Variants in MAP7 observed in about 807,000 individuals in gnomAD.
The protein encoded by MAP7 is microtubule associated protein 7.
MAP7 carries 52 observed loss-of-function variants against 94.8 expected under a neutral mutation model. That is an observed-to-expected ratio of 0.55 (90% CI 0.44 to 0.69). MAP7 has a LOEUF of 0.69. MAP7 is among the 30% of genes least tolerant of loss of function. The pLI is 0.00. For synonymous variants in MAP7, 350 were observed against 357.0 expected (o/e 0.98, Z 0.22); for missense variants, 940 against 964.6 (o/e 0.97, Z 0.34).
intron 3 of MAP7, among the ~76,000 whole-genome samples, chr6:136,410,716 A>G (rs1053947572): frequency 6.6e-6 from 1 of 152,248 alleles, no homozygotes; most frequent in Non-Finnish European, 1.5e-5. Context: ...AGCTTCCACT[A>G]CATTTCACAA....
intron 1 of MAP7, among the ~76,000 whole-genome samples, chr6:136,433,498 C>T (rs1285134122): frequency 6.6e-6 from 1 of 152,190 alleles, no homozygotes; most frequent in Non-Finnish European, 1.5e-5. Flanking sequence ...CAGCCACTTC[C>T]AAGGAAATAA....
chr6:136,527,103 G>A lies in MAP7; in HGVS notation c.67+23239C>T, dbSNP rs954662192. ...ACACCCCCCACCCTCAATCCCTACC[G>A]CTCTGGGCAGTTGCTACCAGCGGTG... On this transcript the variant is annotated intron_variant, in intron 1 of 17. Transcript: ENST00000354570. 7.2e-5 allele frequency among the ~76,000 whole-genome samples: 11 copies of A among 152,142 alleles called. No homozygotes were observed. The East Asian group carries it at 9.7e-4, about 13-fold the overall frequency.
chr6:136,405,468 G>A (rs1785311795), intron 3 of MAP7, among the ~76,000 whole-genome samples: 1 of 152,212 alleles, frequency 6.6e-6, no homozygotes, highest in Admixed American at 6.5e-5. Context: ...AACACTCTAG[G>A]TGGAGTGCAT....
chr6:136,384,025 G>T (rs1184873818), intron 5 of MAP7, among the ~76,000 whole-genome samples: 1 of 152,172 alleles, frequency 6.6e-6, no homozygotes, highest in East Asian at 1.9e-4. Context: ...GAAATTCAAG[G>T]ATACAAGTGG....
At chr6:136,354,405 G>T (rs1396537489) in intron 16 of MAP7, among the ~76,000 whole-genome samples, 1 of 140,140 alleles carries the variant, frequency 7.1e-6, no homozygotes, top group Non-Finnish European at 1.5e-5. Context: ...TATATATATA[G>T]TAGATATATA....
At chr6:136,417,641 GA>G (rs944403291) in intron 2 of MAP7, among the ~76,000 whole-genome samples, 4 of 152,018 alleles carry the variant, frequency 2.6e-5, no homozygotes, top group African/African-American at 9.7e-5. Flanking sequence ...TTTTTCAAAT[GA>G]AAAAACTCAG....
chr6:136,375,806 A>G (rs1775944880), intron 7 of MAP7, among the ~76,000 whole-genome samples: 2 of 152,202 alleles, frequency 1.3e-5, no homozygotes, highest in Non-Finnish European at 2.9e-5. Context: ...TGTGAAAAGG[A>G]GAATGGAAAT....
At chr6:136,544,544 C>T (rs1829574457) in intron 1 of MAP7, among the ~76,000 whole-genome samples, 1 of 152,178 alleles carries the variant, frequency 6.6e-6, no homozygotes, top group Non-Finnish European at 1.5e-5. Flanking sequence ...GCTTTTCCAT[C>T]TGTCTGCTTT....
At chr6:136,468,847 C>A (rs1352511752) in intron 1 of MAP7, among the ~76,000 whole-genome samples, 1 of 152,146 alleles carries the variant, frequency 6.6e-6, no homozygotes, top group Non-Finnish European at 1.5e-5. Context: ...CTTCTCACTT[C>A]CGAGCAACAA....
intron 1 of MAP7, among the ~76,000 whole-genome samples, chr6:136,434,815 T>C (rs1795939323): frequency 6.6e-6 from 1 of 152,192 alleles, no homozygotes; most frequent in Non-Finnish European, 1.5e-5. Flanking sequence ...GTGTGCTATG[T>C]GGCAGGCGCC....
intron 1 of MAP7, among the ~76,000 whole-genome samples, chr6:136,534,993 G>A (rs1224862310): frequency 1.3e-5 from 2 of 152,134 alleles, no homozygotes; most frequent in Admixed American, 6.5e-5. Context: ...AGCGTATGAA[G>A]GTTTGAGGCA....
At chr6:136,456,910 G>C (rs1803437798) in intron 1 of MAP7, among the ~76,000 whole-genome samples, 1 of 150,164 alleles carries the variant, frequency 6.7e-6, no homozygotes, top group Admixed American at 6.6e-5. Flanking sequence ...TACCACCAAA[G>C]AGCAAGAAAA....
chr6:136,465,948 A>T (rs1426164751), intron 1 of MAP7, among the ~76,000 whole-genome samples: 5 of 152,208 alleles, frequency 3.3e-5, no homozygotes, highest in African/African-American at 4.8e-5. Context: ...AATTTAGTGA[A>T]TAAGGCAGCT....
At chr6:136,490,366 C>A (rs576288926) in intron 1 of MAP7, among the ~76,000 whole-genome samples, 4 of 152,144 alleles carry the variant, frequency 2.6e-5, no homozygotes, top group Non-Finnish European at 5.9e-5. Context: ...ATATGCCAAA[C>A]GATGTCATTA....
chr6:136,472,611 G>A (rs371632159), intron 1 of MAP7, among the ~76,000 whole-genome samples: 9 of 152,222 alleles, frequency 5.9e-5, no homozygotes, highest in African/African-American at 2.2e-4. Context: ...ACTCTCCTCA[G>A]TGAGTAGCAG....
intron 1 of MAP7, among the ~76,000 whole-genome samples, chr6:136,542,608 A>G (rs1028392697): frequency 6.6e-6 from 1 of 152,200 alleles, no homozygotes; most frequent in African/African-American, 2.4e-5. Context: ...TTGAATTGGC[A>G]GGGAATGTGC....
intron 7 of MAP7, among the ~76,000 whole-genome samples, chr6:136,373,404 T>C (rs1775167767): frequency 6.6e-6 from 1 of 152,198 alleles, no homozygotes; most frequent in African/African-American, 2.4e-5. Flanking sequence ...AACAGAAATA[T>C]GTTAGATCTG....
At chr6:136,374,172 C>T (rs953329966) in intron 7 of MAP7, among the ~76,000 whole-genome samples, 2 of 152,232 alleles carry the variant, frequency 1.3e-5, no homozygotes, top group African/African-American at 2.4e-5. Flanking sequence ...AATATATGTA[C>T]GTCTTAATTG....
intron 1 of MAP7, among the ~76,000 whole-genome samples, chr6:136,462,509 A>C (rs1236940110): frequency 6.6e-6 from 1 of 152,114 alleles, no homozygotes; most frequent in East Asian, 1.9e-4. Context: ...CAAGCAACAC[A>C]TTTCCTAGAA....
Sources: gnomAD v4.1 joint callset for allele counts (sites outside exome capture counted in the v4.1 genomes callset) on GRCh38, gnomAD v4.1.1 for gene constraint, MANE v1.5 for transcripts, NCBI Gene and HGNC (gene_info 2026-07-23, HGNC 2026-07-21) for gene names.